Variants in RAPGEF4 observed in about 807,000 individuals in gnomAD.
RAPGEF4 encodes Rap guanine nucleotide exchange factor 4, also known as RAP guanine-nucleotide-exchange factor (GEF) 4.
RAPGEF4 carries 66 observed loss-of-function variants against 147.9 expected under a neutral mutation model. That is an observed-to-expected ratio of 0.45 (90% confidence interval 0.37 to 0.55). RAPGEF4 has a LOEUF of 0.55. Ranked by LOEUF, RAPGEF4 falls within the 20% of genes least tolerant of loss-of-function variation. The pLI, the probability that RAPGEF4 is intolerant of heterozygous loss-of-function variation, is 0.00. For missense variants in RAPGEF4, 1,071 were observed against 1,257.3 expected (o/e 0.85, Z 2.24); for synonymous variants, 419 against 442.7 (o/e 0.95, Z 0.67).
intron 3 of RAPGEF4, among the ~76,000 whole-genome samples, chr2:172,812,517 GC>G (rs1410502013): frequency 6.6e-6 from 1 of 152,180 alleles, no homozygotes; most frequent in Non-Finnish European, 1.5e-5. Flanking sequence ...GTGTCTCCCA[GC>G]CTCTGTATTT....
chr2:172,744,448 C>T lies in RAPGEF4; in HGVS notation c.65+8400C>T, dbSNP rs546819300. 5.0e-4 allele frequency: 229 copies of T among 456,126 alleles called. 2 individuals carry two copies. The highest frequency in any genetic ancestry group is 1.7e-3 in the South Asian group (110 of 64,394). The allele number at this position is 456,126 out of a possible 1,614,324, so 28.3% of individuals were successfully genotyped here. A position where few individuals can be genotyped will look rare whatever the true frequency, so the allele number is the denominator to read the frequency against. On this transcript the variant is annotated intron_variant, in intron 1 of 30. Transcript: ENST00000397081. ...GGTGTGTGAGCTAATGCAAACGTTG[C>T]GTGGTCATCTCTAGAGAGAAAATGT...
intron 6 of RAPGEF4, among the ~76,000 whole-genome samples, chr2:172,938,775 C>T (rs948476436): frequency 2.0e-5 from 3 of 152,198 alleles, no homozygotes; most frequent in South Asian, 4.1e-4. Context: ...TGCACCATTA[C>T]AGTACAGTAT....
intron 6 of RAPGEF4, among the ~76,000 whole-genome samples, chr2:172,931,267 T>C (rs1252271217): frequency 6.6e-6 from 1 of 150,794 alleles, no homozygotes; most frequent in Non-Finnish European, 1.5e-5. Context: ...TTCTATTCAG[T>C]TTACATGGAG....
chr2:172,819,370 G>A (rs1050627470), intron 4 of RAPGEF4, among the ~76,000 whole-genome samples: 4 of 151,364 alleles, frequency 2.6e-5, no homozygotes, highest in African/African-American at 9.7e-5. Context: ...GGGAGGCAGA[G>A]ATGGGGAGAG....
intron 6 of RAPGEF4, among the ~76,000 whole-genome samples, chr2:172,948,750 G>A (rs1460456795): frequency 6.6e-6 from 1 of 152,054 alleles, no homozygotes; most frequent in East Asian, 1.9e-4. Context: ...GAAGCTAAAT[G>A]ATGAGAATAC....
At chr2:173,010,395 G>C (rs751834067) in intron 17 of RAPGEF4, among the ~76,000 whole-genome samples, 32 of 152,196 alleles carry the variant, frequency 2.1e-4, no homozygotes, top group Non-Finnish European at 4.0e-4. Flanking sequence ...TTCTTTCCTG[G>C]ACCCAACTGT....
chr2:172,987,779 G>T (rs961937429), intron 12 of RAPGEF4, among the ~76,000 whole-genome samples: 1 of 152,192 alleles, frequency 6.6e-6, no homozygotes, highest in Non-Finnish European at 1.5e-5. Context: ...CCATGGATAC[G>T]AAGGGACAAG....
intron 3 of RAPGEF4, among the ~76,000 whole-genome samples, chr2:172,801,467 G>T (rs1205349592): frequency 6.6e-6 from 1 of 152,170 alleles, no homozygotes; most frequent in East Asian, 1.9e-4. Context: ...GACCCTCAGT[G>T]GGGTGTGAGC....
chr2:173,029,227 C>T (rs572191829), intron 25 of RAPGEF4, among the ~76,000 whole-genome samples: 2 of 152,330 alleles, frequency 1.3e-5, no homozygotes, highest in East Asian at 3.9e-4. Context: ...CTCTTTGCTA[C>T]CTTTGCAATG....
chr2:172,747,000 A>T (rs570310032), intron 1 of RAPGEF4, among the ~76,000 whole-genome samples: 1 of 152,318 alleles, frequency 6.6e-6, no homozygotes, highest in African/African-American at 2.4e-5. Flanking sequence ...CTTAGAAAAG[A>T]CTTAATAGTT....
At chr2:172,975,666 T>A (rs1049186429) in intron 10 of RAPGEF4, among the ~76,000 whole-genome samples, 1 of 152,250 alleles carries the variant, frequency 6.6e-6, no homozygotes, top group Non-Finnish European at 1.5e-5. Context: ...TGTCCCTGAT[T>A]AATTAAGAAT....
chr2:172,844,814 A>G (rs1229055960), intron 4 of RAPGEF4, among the ~76,000 whole-genome samples: 1 of 152,234 alleles, frequency 6.6e-6, no homozygotes, highest in Non-Finnish European at 1.5e-5. Context: ...ATTGTAAGCC[A>G]CTCAAAAGTG....
chr2:172,941,426 A>T (rs980049695), intron 6 of RAPGEF4, among the ~76,000 whole-genome samples: 2 of 152,106 alleles, frequency 1.3e-5, no homozygotes, highest in Non-Finnish European at 2.9e-5. Context: ...TAATTTGACT[A>T]TTCTTTAGTT....
intron 4 of RAPGEF4, among the ~76,000 whole-genome samples, chr2:172,872,966 G>A (rs941745007): frequency 5.3e-5 from 8 of 152,058 alleles, no homozygotes; most frequent in Non-Finnish European, 5.9e-5. Flanking sequence ...CAGACTGACC[G>A]GAACCATTTA....
At chr2:172,893,137 A>G (rs1698115328) in intron 4 of RAPGEF4, among the ~76,000 whole-genome samples, 1 of 152,246 alleles carries the variant, frequency 6.6e-6, no homozygotes, top group Admixed American at 6.5e-5. Flanking sequence ...ACGATGCTAG[A>G]AATCTCCCCA....
chr2:172,996,396 G>A, intron 15 of RAPGEF4, 70 bp from the exon 16 acceptor site: 2 of 838,310 alleles, frequency 2.4e-6, no homozygotes, highest in Non-Finnish European at 3.6e-6. Context: ...AAAAAACTTA[G>A]ATAAGTAAAA....
intron 10 of RAPGEF4, among the ~76,000 whole-genome samples, chr2:172,979,485 A>T (rs1467108559): frequency 1.3e-5 from 2 of 152,206 alleles, no homozygotes; most frequent in African/African-American, 4.8e-5. Flanking sequence ...TAACAATCCC[A>T]TGTATTATTC....
Position 172,854,385 on chromosome 2 carries a change from A to G in RAPGEF4, c.444+39960A>G, listed in dbSNP as rs564694751. On this transcript the variant is annotated intron_variant, in intron 4 of 30. Coordinates refer to ENST00000397081, the MANE Select transcript of RAPGEF4 (RefSeq NM_007023.4). ...TTCAAATCTAATTCATAGGATATTA[A>G]TATAGTTACTGTGGTTTTCTTATGC... Among the ~76,000 whole-genome samples the G allele has an allele frequency of 3.3e-5, 5 of 152,074 alleles. No homozygotes were observed. The South Asian group carries it at 1.0e-3, about 32-fold the overall frequency.
At chr2:172,924,818 A>G (rs1685111922) in intron 6 of RAPGEF4, among the ~76,000 whole-genome samples, 1 of 152,196 alleles carries the variant, frequency 6.6e-6, no homozygotes, top group South Asian at 2.1e-4. Flanking sequence ...AAATAACAAT[A>G]ATATGCCTGT....
Sources: allele counts gnomAD v4.1 joint callset (sites outside exome capture counted in the v4.1 genomes callset), GRCh38; gene constraint gnomAD v4.1.1; transcripts MANE v1.5; gene names NCBI Gene and HGNC (gene_info 2026-07-23, HGNC 2026-07-21).